SLC9A9: variants seen among roughly 807,000 people sequenced by gnomAD.
The protein encoded by SLC9A9 is sodium/hydrogen exchanger 9.
In SLC9A9, 62 loss-of-function variants were observed where a neutral mutation model predicts 77.8. The observed-to-expected ratio is 0.80, with a 90% CI of 0.65 to 0.98. SLC9A9 has a LOEUF of 0.98. SLC9A9 is among the 50% of genes least tolerant of loss of function. SLC9A9 has a pLI of 0.00. For synonymous variants in SLC9A9, 320 were observed against 283.5 expected, an observed-to-expected ratio of 1.13 and a Z score of -1.29; for missense variants, 775 against 774.9, an observed-to-expected ratio of 1.00 and a Z score of 0.00.
chr3:143,470,943 C>T (rs866642755), intron 11 of SLC9A9, among the ~76,000 whole-genome samples: 1 of 151,998 alleles, frequency 6.6e-6, no homozygotes, highest in South Asian at 2.1e-4. Flanking sequence ...TATAGAACAT[C>T]TATATTTACA....
chr3:143,513,504 G>T (rs1016615576), intron 9 of SLC9A9, among the ~76,000 whole-genome samples: 2 of 152,282 alleles, frequency 1.3e-5, no homozygotes, highest in South Asian at 4.1e-4. Context: ...ATGAGGGTTG[G>T]AATCAACTTC....
At chr3:143,296,093 T>C (rs1378679975) in intron 14 of SLC9A9, among the ~76,000 whole-genome samples, 2 of 152,198 alleles carry the variant, frequency 1.3e-5, no homozygotes, top group Non-Finnish European at 2.9e-5. Flanking sequence ...AGGCCTACCC[T>C]CTTCACAAAT....
At chr3:143,683,056 T>C (rs1933152510) in intron 5 of SLC9A9, among the ~76,000 whole-genome samples, 1 of 152,180 alleles carries the variant, frequency 6.6e-6, no homozygotes, top group African/African-American at 2.4e-5. Flanking sequence ...TTACTATTAA[T>C]GTTTTAGGTG....
At chr3:143,813,593 C>T (rs1481040377) in intron 2 of SLC9A9, among the ~76,000 whole-genome samples, 1 of 152,120 alleles carries the variant, frequency 6.6e-6, no homozygotes, top group African/African-American at 2.4e-5. Context: ...CCAATTCTGT[C>T]CAGTTGGGTC....
At chr3:143,646,642 A>G (rs1297935630) in intron 6 of SLC9A9, among the ~76,000 whole-genome samples, 1 of 152,128 alleles carries the variant, frequency 6.6e-6, no homozygotes, top group East Asian at 1.9e-4. Flanking sequence ...GCTCAAATCA[A>G]TGCATTCATC....
Position 143,345,298 on chromosome 3 carries a change from C to T in SLC9A9, c.1604+18186G>A, listed in dbSNP as rs759825363. Among the ~76,000 whole-genome samples, 79 of 151,948 alleles carry T rather than the reference C, an allele frequency of 5.2e-4. 1 individual carries two copies. Among genetic ancestry groups the T allele is most frequent in the Non-Finnish European group, 1.2e-4 (8 of 67,998 alleles). On this transcript the variant is annotated intron_variant, in intron 14 of 15. Transcript: ENST00000316549. ...CCTTGGATAGAACCTTTATTAATTC[C>T]AGCATTGAATGGAAAAGAAAGATGA...
At chr3:143,792,541 T>G (rs911238581) in intron 4 of SLC9A9, among the ~76,000 whole-genome samples, 43 of 152,160 alleles carry the variant, frequency 2.8e-4, no homozygotes, top group African/African-American at 9.9e-4. Flanking sequence ...CTCTCCTGTG[T>G]TAGGTTCTGT....
intron 8 of SLC9A9, among the ~76,000 whole-genome samples, chr3:143,568,742 T>G (rs577978222): frequency 1.8e-4 from 27 of 152,312 alleles, no homozygotes; most frequent in Non-Finnish European, 4.0e-4. Context: ...CTTCAGACAT[T>G]CTTTTGGTGC....
chr3:143,361,176 T>C (rs896387370), intron 14 of SLC9A9, among the ~76,000 whole-genome samples: 4 of 152,248 alleles, frequency 2.6e-5, no homozygotes, highest in Non-Finnish European at 5.9e-5. Flanking sequence ...TTCTATTTAT[T>C]TGGAGAACCC....
At chr3:143,441,070 A>T (rs1319276701) in intron 12 of SLC9A9, among the ~76,000 whole-genome samples, 3 of 151,972 alleles carry the variant, frequency 2.0e-5, no homozygotes, top group East Asian at 3.9e-4. Flanking sequence ...TATCATTCTC[A>T]CCTTTCCAAC....
intron 6 of SLC9A9, among the ~76,000 whole-genome samples, chr3:143,630,802 ATTAT>A (rs1463524175): frequency 6.6e-6 from 1 of 152,210 alleles, no homozygotes; most frequent in Non-Finnish European, 1.5e-5. Context: ...GTTACCTAAG[ATTAT>A]TTATCAGTTA....
At chr3:143,739,618 G>A (rs1224142494) in intron 4 of SLC9A9, among the ~76,000 whole-genome samples, 1 of 152,126 alleles carries the variant, frequency 6.6e-6, no homozygotes, top group Non-Finnish European at 1.5e-5. Context: ...GGAAGTCCAA[G>A]GTCTAAATTT....
chr3:143,478,472 A>T (rs567010747), intron 11 of SLC9A9, among the ~76,000 whole-genome samples: 8 of 152,140 alleles, frequency 5.3e-5, no homozygotes, highest in Non-Finnish European at 1.2e-4. Flanking sequence ...GGAGGCTGGG[A>T]GGTGGGGCTA....
At chr3:143,614,709 A>G (rs2108703835) in intron 6 of SLC9A9, among the ~76,000 whole-genome samples, 1 of 152,300 alleles carries the variant, frequency 6.6e-6, no homozygotes, top group East Asian at 1.9e-4. Flanking sequence ...TTCCACTCCC[A>G]TGATGGGGAA....
intron 4 of SLC9A9, among the ~76,000 whole-genome samples, chr3:143,717,593 T>A (rs1000778941): frequency 9.9e-5 from 15 of 152,198 alleles, no homozygotes; most frequent in African/African-American, 3.6e-4. Flanking sequence ...CCTGGCTGCC[T>A]CCTTTTGATG....
chr3:143,832,208 T>C lies in SLC9A9; in HGVS notation c.189A>G (p.Gly63=), dbSNP rs2108889460. The change falls in exon 2 of 16, where the codon GGA becomes GGG. Residue 63 remains glycine (G), a synonymous_variant. Coordinates refer to ENST00000316549, the MANE Select transcript of SLC9A9 (RefSeq NM_173653.4). The stretch of plus-strand genomic sequence containing the variant: ...GTGCTGTAGCATATCGTAAAATTAG[T>C]CCCATTATAAGGCCTAAAAAAAAAA... ...GGAMVYGLIM[G]LILRYATAPT... is the part of the protein sequence containing the mutation. 6.2e-7 allele frequency: 1 copy of C among 1,611,570 alleles called. No homozygotes were observed. The highest frequency in any genetic ancestry group is 8.5e-7 in the Non-Finnish European group (1 of 1,179,236).
At chr3:143,672,677 G>A (rs2039177444) in intron 5 of SLC9A9, among the ~76,000 whole-genome samples, 1 of 152,104 alleles carries the variant, frequency 6.6e-6, no homozygotes, top group African/African-American at 2.4e-5. Context: ...TCAAGGCTAA[G>A]CTTGGTGCAA....
intron 9 of SLC9A9, among the ~76,000 whole-genome samples, chr3:143,501,630 T>C (rs2035924632): frequency 6.6e-6 from 1 of 151,038 alleles, no homozygotes; most frequent in Non-Finnish European, 1.5e-5. Flanking sequence ...CCTTTGACAA[T>C]ATGATAGAAT....
intron 13 of SLC9A9, among the ~76,000 whole-genome samples, chr3:143,380,011 A>G (rs1433192950): frequency 6.6e-6 from 1 of 152,156 alleles, no homozygotes; most frequent in Non-Finnish European, 1.5e-5. Flanking sequence ...ATTTTCATAA[A>G]CCCAATTTCC....
Sources: gnomAD v4.1 joint callset for allele counts (sites outside exome capture counted in the v4.1 genomes callset) on GRCh38, gnomAD v4.1.1 for gene constraint, MANE v1.5 for transcripts, NCBI Gene and HGNC (gene_info 2026-07-23, HGNC 2026-07-21) for gene names.